Variants in IQCJ observed in about 807,000 individuals in gnomAD.
IQCJ encodes IQ motif containing J.
Under a neutral mutation model 11.0 loss-of-function variants are expected in IQCJ, and 9 were observed. The ratio of observed to expected loss-of-function variants is 0.82; its 90% confidence interval spans 0.49 to 1.43. The LOEUF is 1.43. Among genes scored for constraint, IQCJ ranks in the 40% most tolerant of loss-of-function variants. The probability of loss-of-function intolerance (pLI) is 0.00; values close to 1 mark genes in which losing one functional copy is unlikely to be tolerated. For synonymous variants in IQCJ, 55 were observed against 51.3 expected (o/e 1.07, Z -0.31); for missense variants, 146 against 133.2 (o/e 1.10, Z -0.47).
At position 159,262,539 on chromosome 3, in the gene IQCJ, T is replaced by G; in HGVS notation, c.156-9T>G. On this transcript the variant is annotated splice_polypyrimidine_tract_variant and intron_variant, in intron 3 of 3. Transcript: ENST00000397832. Reference sequence around the variant, plus strand: ...GTGTGCTGTTTTTTGTTTTGTTTTGTTTTTTCAGCATTCAGCGAGCATGGC... The same window carrying G: ...GTGTGCTGTTTTTTGTTTTGTTTTGGTTTTTCAGCATTCAGCGAGCATGGC... The G allele has an allele frequency of 6.2e-7, 1 of 1,611,358 alleles. No homozygotes were observed. The highest frequency in any genetic ancestry group is 8.5e-7 in the Non-Finnish European group (1 of 1,178,164).
At chr3:159,105,610 A>C (rs1042789974) in intron 1 of IQCJ, among the ~76,000 whole-genome samples, 11 of 152,172 alleles carry the variant, frequency 7.2e-5, no homozygotes, top group Non-Finnish European at 4.4e-5. Context: ...CTGTTTGGTC[A>C]GGACATTTGA....
chr3:159,161,630 T>C (rs1410923891), intron 1 of IQCJ, among the ~76,000 whole-genome samples: 6 of 152,164 alleles, frequency 3.9e-5, no homozygotes, highest in African/African-American at 1.2e-4. Flanking sequence ...AATGGTAATG[T>C]CCAGGTTTTC....
intron 1 of IQCJ, among the ~76,000 whole-genome samples, chr3:159,121,568 C>A (rs1719384889): frequency 6.6e-6 from 1 of 152,272 alleles, no homozygotes; most frequent in South Asian, 2.1e-4. Context: ...GGTATGTATG[C>A]CTTTTCAATT....
At chr3:159,128,990 A>G (rs2108156641) in intron 1 of IQCJ, among the ~76,000 whole-genome samples, 1 of 152,198 alleles carries the variant, frequency 6.6e-6, no homozygotes, top group East Asian at 1.9e-4. Flanking sequence ...GTTTGCTAAA[A>G]TCTTATCCAC....
chr3:159,108,783 T>C (rs1718432537), intron 1 of IQCJ, among the ~76,000 whole-genome samples: 1 of 152,210 alleles, frequency 6.6e-6, no homozygotes, highest in Non-Finnish European at 1.5e-5. Flanking sequence ...TAGCAACTAT[T>C]TGAAATCACC....
At chr3:159,136,322 C>A (rs1473995045) in intron 1 of IQCJ, among the ~76,000 whole-genome samples, 1 of 152,126 alleles carries the variant, frequency 6.6e-6, no homozygotes, top group Non-Finnish European at 1.5e-5. Flanking sequence ...CAGTAAATTG[C>A]CATGGCCTTT....
chr3:159,136,502 C>A (rs1276477367), intron 1 of IQCJ, among the ~76,000 whole-genome samples: 1 of 152,124 alleles, frequency 6.6e-6, no homozygotes, highest in Non-Finnish European at 1.5e-5. Flanking sequence ...TTCATTTGGG[C>A]TGCTATAACA....
intron 1 of IQCJ, among the ~76,000 whole-genome samples, chr3:159,135,461 A>G (rs1186325711): frequency 6.6e-6 from 1 of 152,138 alleles, no homozygotes; most frequent in African/African-American, 2.4e-5. Flanking sequence ...AAACAGTCAG[A>G]GTTTATTGCT....
At chr3:159,189,940 G>A (rs1264490413) in intron 1 of IQCJ, among the ~76,000 whole-genome samples, 2 of 152,136 alleles carry the variant, frequency 1.3e-5, no homozygotes, top group Non-Finnish European at 2.9e-5. Flanking sequence ...AACTCACTCA[G>A]GAAAGGGCCT....
chr3:159,226,594 C>T (rs989536968), intron 1 of IQCJ, among the ~76,000 whole-genome samples: 1 of 152,056 alleles, frequency 6.6e-6, no homozygotes, highest in African/African-American at 2.4e-5. Flanking sequence ...GGGACCATCC[C>T]GTAAATTTCT....
chr3:159,201,603 G>T, intron 1 of IQCJ, among the ~76,000 whole-genome samples: 1 of 136,974 alleles, frequency 7.3e-6, no homozygotes, highest in African/African-American at 2.7e-5. Context: ...GGAAACAATA[G>T]AAACAAAACT....
At chr3:159,149,863 G>A (rs757746657) in intron 1 of IQCJ, among the ~76,000 whole-genome samples, 5 of 152,096 alleles carry the variant, frequency 3.3e-5, no homozygotes, top group Non-Finnish European at 7.4e-5. Flanking sequence ...GCAGGGAGGT[G>A]TGTTCCCTCC....
At chr3:159,230,445 T>A (rs1418910493) in intron 1 of IQCJ, among the ~76,000 whole-genome samples, 2 of 152,236 alleles carry the variant, frequency 1.3e-5, no homozygotes, top group Non-Finnish European at 2.9e-5. Context: ...TTAAGAATTA[T>A]GCTGGATGCT....
intron 1 of IQCJ, among the ~76,000 whole-genome samples, chr3:159,094,851 T>G (rs1717616359): frequency 6.6e-6 from 1 of 151,888 alleles, no homozygotes; most frequent in Non-Finnish European, 1.5e-5. Flanking sequence ...TGTAACTTCA[T>G]TCTCATCATA....
chr3:159,093,536 A>G (rs1160945112), intron 1 of IQCJ, among the ~76,000 whole-genome samples: 1 of 151,830 alleles, frequency 6.6e-6, no homozygotes, highest in Non-Finnish European at 1.5e-5. Flanking sequence ...TGATGTCACC[A>G]TAACCTGGGG....
chr3:159,069,501 TA>T (rs1715392041), intron 1 of IQCJ, 60 bp downstream of exon 1: 1 of 1,562,230 alleles, frequency 6.4e-7, no homozygotes, highest in Non-Finnish European at 8.6e-7. Context: ...AGCTGCTTAT[TA>T]TTTTTTAAAA....
chr3:159,258,598 A>G (rs570418700), intron 3 of IQCJ, among the ~76,000 whole-genome samples: 29 of 152,314 alleles, frequency 1.9e-4, no homozygotes, highest in African/African-American at 6.7e-4. Context: ...ATTGTTTCCA[A>G]GATACTCAGA....
intron 1 of IQCJ, among the ~76,000 whole-genome samples, chr3:159,163,837 C>T (rs1170294910): frequency 1.3e-5 from 2 of 152,098 alleles, no homozygotes; most frequent in East Asian, 3.9e-4. Flanking sequence ...GCTTCAAAGC[C>T]CACACCTGAA....
At chr3:159,132,555 G>A (rs537124204) in intron 1 of IQCJ, among the ~76,000 whole-genome samples, 1 of 152,222 alleles carries the variant, frequency 6.6e-6, no homozygotes. Context: ...CCAATATTTG[G>A]AGTCTAATTC....
Sources: allele counts gnomAD v4.1 joint callset (sites outside exome capture counted in the v4.1 genomes callset), GRCh38; gene constraint gnomAD v4.1.1; transcripts MANE v1.5; gene names NCBI Gene and HGNC (gene_info 2026-07-23, HGNC 2026-07-21).